Variants in ELAVL4 observed in about 807,000 individuals in gnomAD.
The protein encoded by ELAVL4 is ELAV like RNA binding protein 4, also known as ELAV-like protein 4.
Under a neutral mutation model 35.6 loss-of-function variants are expected in ELAVL4, and 1 was observed. The observed-to-expected ratio is 0.03, with a 90% CI of 0.01 to 0.13. The LOEUF (loss-of-function observed/expected upper bound fraction) is 0.13, where lower values mean the gene tolerates loss of function less well. ELAVL4 is among the 10% of genes least tolerant of loss of function. ELAVL4 has a pLI of 1.00. For missense variants in ELAVL4, 267 were observed against 464.9 expected (o/e 0.57, Z 3.91); for synonymous variants, 156 against 171.0 (o/e 0.91, Z 0.69).
At chr1:50,110,991 C>A (rs1425554191) in intron 1 of ELAVL4, among the ~76,000 whole-genome samples, 10 of 151,886 alleles carry the variant, frequency 6.6e-5, no homozygotes, top group Admixed American at 4.6e-4. Flanking sequence ...GGGGACAGGA[C>A]CTCGATTATC....
intron 6 of ELAVL4, among the ~76,000 whole-genome samples, chr1:50,198,340 T>A (rs1348108124): frequency 2.0e-5 from 3 of 152,198 alleles, no homozygotes; most frequent in Non-Finnish European, 1.5e-5. Flanking sequence ...AGGGACATAG[T>A]GTCTTCATCA....
At chr1:50,183,785 A>G (rs927933298) in intron 3 of ELAVL4, among the ~76,000 whole-genome samples, 1 of 152,162 alleles carries the variant, frequency 6.6e-6, no homozygotes, top group Non-Finnish European at 1.5e-5. Context: ...CATTCGGCAT[A>G]AGCAATTATT....
At chr1:50,141,036 G>A (rs1052912520) in intron 1 of ELAVL4, among the ~76,000 whole-genome samples, 1 of 152,158 alleles carries the variant, frequency 6.6e-6, no homozygotes, top group Non-Finnish European at 1.5e-5. Context: ...CTGATGCGGG[G>A]ACTGAAATTA....
chr1:50,065,939 G>A (rs56252615), intron 1 of ELAVL4, among the ~76,000 whole-genome samples: 2 of 151,900 alleles, frequency 1.3e-5, no homozygotes, highest in African/African-American at 4.8e-5. Context: ...ATGACAGCTG[G>A]GCAGGGTACC....
At chr1:50,081,192 T>TA (rs1178511171) in intron 1 of ELAVL4, among the ~76,000 whole-genome samples, 2 of 152,214 alleles carry the variant, frequency 1.3e-5, no homozygotes, top group African/African-American at 4.8e-5. Context: ...CTGTCTGTTG[T>TA]ACTGGTTAGT....
intron 1 of ELAVL4, among the ~76,000 whole-genome samples, chr1:50,097,750 A>C (rs1199987885): frequency 6.6e-6 from 1 of 152,200 alleles, no homozygotes; most frequent in Non-Finnish European, 1.5e-5. Flanking sequence ...AGTTTGGCTA[A>C]CTACTGACAC....
chr1:50,201,263 G>A lies in ELAVL4; in HGVS notation c.*85G>A. 7.1e-7 allele frequency: 1 copy of A among 1,412,648 alleles called. No individual in the cohort carries two copies. The highest frequency in any genetic ancestry group is 9.3e-7 in the Non-Finnish European group (1 of 1,078,206). The allele number at this position is 1,412,648 out of a possible 1,614,324, so 87.5% of individuals were successfully genotyped here. On this transcript the variant is annotated 3_prime_UTR_variant, in exon 7 of 7. Coordinates refer to ENST00000371824, the MANE Select transcript of ELAVL4 (RefSeq NM_001144774.3). This position sits in a 1 kb window ranked among gnomAD's most constrained non-coding sequence, Gnocchi z 4.3. ...CGCACACACACACATACACGAAAGA[G>A]AGAGAAACAAACTTTTCAAGGCTTA...
chr1:50,062,877 C>T (rs1260481435), intron 1 of ELAVL4, among the ~76,000 whole-genome samples: 1 of 152,082 alleles, frequency 6.6e-6, no homozygotes, highest in African/African-American at 2.4e-5. Context: ...TCCATTAATC[C>T]ATCCATCCAT....
intron 2 of ELAVL4, among the ~76,000 whole-genome samples, chr1:50,159,382 C>T (rs958065694): frequency 6.6e-5 from 10 of 152,040 alleles, no homozygotes; most frequent in Non-Finnish European, 1.3e-4. Context: ...CCGAGGCAGG[C>T]GGATCACTTG....
intron 1 of ELAVL4, among the ~76,000 whole-genome samples, chr1:50,052,118 CAT>C (rs368292589): frequency 2.0e-5 from 3 of 152,242 alleles, no homozygotes; most frequent in African/African-American, 7.2e-5. Flanking sequence ...AGCACTTCAA[CAT>C]ATGAATTTGA....
intron 1 of ELAVL4, among the ~76,000 whole-genome samples, chr1:50,071,340 C>T (rs971421538): frequency 6.6e-6 from 1 of 152,216 alleles, no homozygotes; most frequent in African/African-American, 2.4e-5. Flanking sequence ...ACGCCATGGA[C>T]ATAAATGTGC....
chr1:50,094,069 G>A (rs979021165), intron 1 of ELAVL4, among the ~76,000 whole-genome samples: 4 of 152,168 alleles, frequency 2.6e-5, no homozygotes, highest in African/African-American at 9.7e-5. Flanking sequence ...TTGTCTGAAA[G>A]CACTTTGCAA....
chr1:50,165,643 GGTATATATATGT>G (rs1265236904), intron 2 of ELAVL4, among the ~76,000 whole-genome samples: 2 of 145,106 alleles, frequency 1.4e-5, no homozygotes, highest in African/African-American at 2.5e-5. Flanking sequence ...TATGTATATA[GGTATATATATGT>G]GTGTATATAT....
At chr1:50,149,945 G>GT (rs200087688) in intron 2 of ELAVL4, among the ~76,000 whole-genome samples, 1,876 of 152,280 alleles carry the variant, frequency 0.012, 15 homozygotes, top group Non-Finnish European at 0.016. Context: ...CTATTAATAC[G>GT]TAAGTGCTAT....
At chr1:50,154,620 G>C (rs1455766989) in intron 2 of ELAVL4, among the ~76,000 whole-genome samples, 1 of 152,078 alleles carries the variant, frequency 6.6e-6, no homozygotes, top group African/African-American at 2.4e-5. Context: ...CCTGATATTT[G>C]CCCTTAGTGT....
At chr1:50,101,176 T>G (rs1407831853), upstream of ELAVL4, among the ~76,000 whole-genome samples, 1 of 152,164 alleles carries the variant, frequency 6.6e-6, no homozygotes, top group Non-Finnish European at 1.5e-5. Context: ...GGACTATTGA[T>G]CTTCGTTCAT....
Position 50,177,135 on chromosome 1 carries a change from T to C in ELAVL4, c.297T>C (p.Asp99=). The part of the protein sequence containing the change: ...YGFVNYIDPK[D]AEKAINTLNG... ...TTGTTAACTATATTGATCCAAAGGATGCAGAGAAAGCCATCAACACTTTAA... is the reference window on the plus strand; with the variant it reads ...TTGTTAACTATATTGATCCAAAGGACGCAGAGAAAGCCATCAACACTTTAA... Residue 99 remains aspartate, a synonymous_variant, in exon 3 of 7, where the codon GAT becomes GAC. Transcript: ENST00000371824. 1 of 1,614,048 alleles carries C rather than the reference T, an allele frequency of 6.2e-7. No individual in the cohort carries two copies. The highest frequency in any genetic ancestry group is 8.5e-7 in the Non-Finnish European group (1 of 1,179,970).
At chr1:50,125,757 G>C (rs181224058) in intron 1 of ELAVL4, among the ~76,000 whole-genome samples, 1 of 152,164 alleles carries the variant, frequency 6.6e-6, no homozygotes, top group East Asian at 1.9e-4. Context: ...ATGGCTCCTT[G>C]CAGGAGCCTG....
At chr1:50,141,950 A>C (rs1672892644) in intron 1 of ELAVL4, 7 of 152,128 alleles carry the variant, frequency 4.6e-5, no homozygotes, top group African/African-American at 1.7e-4. Context: ...TTCATTTATC[A>C]TTTGTGACCA....
Sources: allele counts gnomAD v4.1 joint callset (sites outside exome capture counted in the v4.1 genomes callset), GRCh38; gene constraint gnomAD v4.1.1; non-coding constraint Gnocchi (gnomAD v3.1); transcripts MANE v1.5; gene names NCBI Gene and HGNC (gene_info 2026-07-23, HGNC 2026-07-21).